The following TMPRSS15 variants were observed in gnomAD, a reference collection of about 807,000 sequenced individuals.
The protein encoded by TMPRSS15 is transmembrane serine protease 15.
TMPRSS15 carries 128 observed loss-of-function variants against 125.3 expected under a neutral mutation model. The ratio of observed to expected loss-of-function variants is 1.02; its 90% confidence interval spans 0.89 to 1.18. The LOEUF is 1.18. TMPRSS15 is among the 50% of genes most tolerant of loss of function. The probability of loss-of-function intolerance (pLI) is 0.00; values close to 1 mark genes in which losing one functional copy is unlikely to be tolerated. For missense variants in TMPRSS15, 1,283 were observed against 1,212.7 expected (o/e 1.06, Z -0.86); for synonymous variants, 446 against 423.2 (o/e 1.05, Z -0.66).
intron 1 of TMPRSS15, among the ~76,000 whole-genome samples, chr21:18,413,877 G>A (rs547193254): frequency 6.6e-6 from 1 of 152,228 alleles, no homozygotes; most frequent in South Asian, 2.1e-4. Flanking sequence ...ACAGGCGCAT[G>A]CCACCAGTCC....
In TMPRSS15 at chr21:18,341,557, C is replaced by T; in HGVS notation, c.1429-9G>A. On this transcript the variant is annotated splice_polypyrimidine_tract_variant and intron_variant, in intron 12 of 24. Coordinates refer to ENST00000284885, the MANE Select transcript of TMPRSS15 (RefSeq NM_002772.3). Reference sequence around the variant, plus strand: ...AAAGCATTAAAAGCAACCTGCAATTCAGAGAGGCATATGAAACGATTTGAT... The same window carrying T: ...AAAGCATTAAAAGCAACCTGCAATTTAGAGAGGCATATGAAACGATTTGAT... The T allele has an allele frequency of 6.2e-7, 1 of 1,613,930 alleles. No homozygotes were observed. Among genetic ancestry groups the T allele is most frequent in the Admixed American group, 1.7e-5 (1 of 60,030 alleles).
chr21:18,347,715 C>T (rs8126674), intron 10 of TMPRSS15, among the ~76,000 whole-genome samples: 145,388 of 152,242 alleles, frequency 0.95, 69,790 homozygotes, highest in Middle Eastern at 1. Flanking sequence ...AAAGGAACAA[C>T]TGAAGAGATT....
chr21:18,367,885 T>C (rs1389475284), intron 6 of TMPRSS15, among the ~76,000 whole-genome samples: 2 of 152,132 alleles, frequency 1.3e-5, no homozygotes, highest in Middle Eastern at 3.2e-3. Context: ...GAGCATACTG[T>C]GGTATATTGC....
chr21:18,338,156 T>C (rs763960301), intron 13 of TMPRSS15, among the ~76,000 whole-genome samples: 68 of 152,254 alleles, frequency 4.5e-4, no homozygotes, highest in Non-Finnish European at 6.9e-4. Context: ...AGAAATCATA[T>C]TTAAAATTTT....
At chr21:18,313,389 T>C in intron 17 of TMPRSS15, among the ~76,000 whole-genome samples, 1 of 151,372 alleles carries the variant, frequency 6.6e-6, no homozygotes, top group East Asian at 1.9e-4. Context: ...TATATACACA[T>C]TCTCTGTATA....
At chr21:18,450,174 C>T (rs769396019) in intron 1 of TMPRSS15, among the ~76,000 whole-genome samples, 36 of 151,988 alleles carry the variant, frequency 2.4e-4, no homozygotes, top group Non-Finnish European at 3.5e-4. Context: ...AATTAGTTTT[C>T]AGGTTAGTAA....
chr21:18,470,656 T>G (rs1978761014), intron 1 of TMPRSS15, among the ~76,000 whole-genome samples: 1 of 152,100 alleles, frequency 6.6e-6, no homozygotes. Flanking sequence ...TATTCTCCTT[T>G]GTTGTTTTCT....
At chr21:18,331,004 C>T (rs910272099) in intron 14 of TMPRSS15, among the ~76,000 whole-genome samples, 1 of 141,642 alleles carries the variant, frequency 7.1e-6, no homozygotes, top group African/African-American at 2.6e-5. Flanking sequence ...ACCCGGGAGG[C>T]GGAGCTTGCA....
chr21:18,390,498 G>T (rs1013329007), intron 3 of TMPRSS15, among the ~76,000 whole-genome samples: 5 of 152,154 alleles, frequency 3.3e-5, no homozygotes, highest in Non-Finnish European at 7.3e-5. Flanking sequence ...GTGGGCATTA[G>T]TTAGGTTCTG....
intron 1 of TMPRSS15, among the ~76,000 whole-genome samples, chr21:18,441,487 A>G (rs566237038): frequency 5.2e-4 from 79 of 150,934 alleles, no homozygotes; most frequent in Non-Finnish European, 1.0e-3. Flanking sequence ...GCACCTTGTA[A>G]TCCCAGCTAC....
intron 1 of TMPRSS15, among the ~76,000 whole-genome samples, chr21:18,471,739 C>A (rs1006463054): frequency 6.6e-6 from 1 of 152,062 alleles, no homozygotes; most frequent in African/African-American, 2.4e-5. Context: ...ATACCATAGG[C>A]AAAATCAATG....
intron 24 of TMPRSS15, among the ~76,000 whole-genome samples, chr21:18,274,881 C>A (rs114490763): frequency 6.6e-6 from 1 of 152,132 alleles, no homozygotes; most frequent in African/African-American, 2.4e-5. Flanking sequence ...TGAAAAGAAA[C>A]TGCTTTTAGA....
chr21:18,485,276 AT>A (rs1979057424), intron 1 of TMPRSS15, among the ~76,000 whole-genome samples: 1 of 151,732 alleles, frequency 6.6e-6, no homozygotes, highest in African/African-American at 2.4e-5. Context: ...AATAATGATA[AT>A]TTTTTCCTCT....
At position 18,341,399 on chromosome 21, in the gene TMPRSS15, T is replaced by G; in HGVS notation, c.1564+14A>C. The G allele has an allele frequency of 6.2e-7, 1 of 1,614,028 alleles. No individual in the cohort carries two copies. Among genetic ancestry groups the G allele is most frequent in the Non-Finnish European group, 8.5e-7 (1 of 1,179,958 alleles). On this transcript the variant is annotated intron_variant, in intron 13 of 24. Coordinates refer to ENST00000284885, the MANE Select transcript of TMPRSS15 (RefSeq NM_002772.3). ...ATGATTTAATAAGACAAAATACACA[T>G]GAAGGTTACTTACTAGGAAGTTCTG...
At chr21:18,454,609 T>G (rs977243894) in intron 1 of TMPRSS15, among the ~76,000 whole-genome samples, 1 of 151,550 alleles carries the variant, frequency 6.6e-6, no homozygotes, top group Non-Finnish European at 1.5e-5. Context: ...AAGCCAAGAG[T>G]CTGAGAGGGG....
At chr21:18,431,990 G>T (rs770500562) in intron 1 of TMPRSS15, among the ~76,000 whole-genome samples, 2 of 152,094 alleles carry the variant, frequency 1.3e-5, no homozygotes, top group Non-Finnish European at 2.9e-5. Flanking sequence ...ATTATTGGGT[G>T]AATATTCAAG....
At position 18,281,203 on chromosome 21, in the gene TMPRSS15, G is replaced by C. The variant is rs147684105; in HGVS notation, c.2505C>G (p.Ser835=). 3 of 1,613,902 alleles carry C rather than the reference G, an allele frequency of 1.9e-6. No individual in the cohort carries two copies. The highest frequency in any genetic ancestry group is 2.5e-6 in the Non-Finnish European group (3 of 1,179,966). ...HCVYGRNLEP[S]KWTAILGLHM... Reference sequence around the variant, plus strand: ...GCAGGCCTAGGATTGCTGTCCACTTGGATGGCTCTAAGTTTCTCCTGAAAA... The same window carrying C: ...GCAGGCCTAGGATTGCTGTCCACTTCGATGGCTCTAAGTTTCTCCTGAAAA... Residue 835 remains serine, a synonymous_variant, in exon 22 of 25, where the codon TCC becomes TCG. Coordinates refer to ENST00000284885, the MANE Select transcript of TMPRSS15 (RefSeq NM_002772.3).
chr21:18,449,314 T>A (rs998736639), intron 1 of TMPRSS15, among the ~76,000 whole-genome samples: 3 of 152,116 alleles, frequency 2.0e-5, no homozygotes, highest in Non-Finnish European at 1.5e-5. Flanking sequence ...GAGATGGTGA[T>A]CTTAAGTTTA....
At chr21:18,343,311 A>G (rs1379238113) in intron 12 of TMPRSS15, among the ~76,000 whole-genome samples, 195 bp downstream of exon 12, 1 of 152,212 alleles carries the variant, frequency 6.6e-6, no homozygotes, top group African/African-American at 2.4e-5. Context: ...TTGTTCCTCA[A>G]TGATGGTTTT....
Sources: gnomAD v4.1 joint callset for allele counts (sites outside exome capture counted in the v4.1 genomes callset) on GRCh38, gnomAD v4.1.1 for gene constraint, MANE v1.5 for transcripts, NCBI Gene and HGNC (gene_info 2026-07-23, HGNC 2026-07-21) for gene names.